The following BACE1 variants were observed in gnomAD, a reference collection of about 807,000 sequenced individuals.
BACE1 encodes beta-secretase 1.
A neutral mutation model predicts 54.0 loss-of-function variants in BACE1; 21 were observed. The ratio of observed to expected loss-of-function variants is 0.39; its 90% CI spans 0.28 to 0.56. The LOEUF (loss-of-function observed/expected upper bound fraction) is 0.56. Among genes scored for constraint, BACE1 ranks in the 20% least tolerant of loss-of-function variants. BACE1 has a pLI of 0.63. For missense variants in BACE1, 511 were observed against 661.2 expected (o/e 0.77, Z 2.49); for synonymous variants, 232 against 260.9 (o/e 0.89, Z 1.07).
Position 117,287,452 on chromosome 11 carries a change from A to T in BACE1, c.*2114T>A, listed in dbSNP as rs45497100. The T allele has an allele frequency of 0.013, 2,014 of 152,636 alleles. 22 individuals are homozygous for T. The highest frequency in any genetic ancestry group is 0.022 in the Non-Finnish European group (1,473 of 67,990). 9.5% of individuals were successfully genotyped at this position (152,636 alleles called of 1,614,324 possible). Reference sequence around the variant, plus strand: ...GAAGCTGTTGTTAAGACTTTTTTTTACACTTAGAGTTTATAATTTTGGGGC... The same window carrying T: ...GAAGCTGTTGTTAAGACTTTTTTTTTCACTTAGAGTTTATAATTTTGGGGC... On this transcript the variant is annotated 3_prime_UTR_variant, in exon 9 of 9. Coordinates refer to ENST00000313005, the MANE Select transcript of BACE1 (RefSeq NM_012104.6).
chr11:117,309,499 T>C (rs1006578215), intron 1 of BACE1, among the ~76,000 whole-genome samples: 4 of 152,162 alleles, frequency 2.6e-5, no homozygotes, highest in Non-Finnish European at 5.9e-5. Flanking sequence ...ACGCCTATAA[T>C]CCCAGCACTT....
chr11:117,302,793 G>A (rs2034753515), intron 1 of BACE1, among the ~76,000 whole-genome samples: 2 of 152,206 alleles, frequency 1.3e-5, no homozygotes, highest in African/African-American at 4.8e-5. Context: ...GCTGAAGCAC[G>A]AGAATCACTT....
At chr11:117,301,446 C>T (rs2034723037) in intron 1 of BACE1, among the ~76,000 whole-genome samples, 1 of 152,000 alleles carries the variant, frequency 6.6e-6, no homozygotes, top group African/African-American at 2.4e-5. Flanking sequence ...TGTCTACAAA[C>T]AAAATTTTTA....
chr11:117,289,543 C>T lies in BACE1; in HGVS notation c.*23G>A. On this transcript the variant is annotated 3_prime_UTR_variant, in exon 9 of 9. Transcript: ENST00000313005. ...ACGGAGGTGTGGTCCAGGGGAATCT[C>T]TATCTTCTGCCCATGGGCCTCCTCA... 1 of 1,612,498 alleles carries T rather than the reference C, an allele frequency of 6.2e-7. No individual in the cohort carries two copies. Among genetic ancestry groups the T allele is most frequent in the Non-Finnish European group, 8.5e-7 (1 of 1,179,160 alleles).
intron 7 of BACE1, 108 bp downstream of exon 7, chr11:117,290,792 G>T: frequency 6.5e-7 from 1 of 1,549,080 alleles, no homozygotes; most frequent in Non-Finnish European, 8.8e-7. Context: ...TTTACTGCTG[G>T]ACACTACTCA....
chr11:117,292,006 T>C (rs2034453730), intron 5 of BACE1, 193 bp from the exon 6 acceptor site: 2 of 441,294 alleles, frequency 4.5e-6, no homozygotes, highest in Non-Finnish European at 4.2e-6. Flanking sequence ...AAATAGCACC[T>C]ACCTCAAAGG....
chr11:117,311,470 C>T (rs2134495655), intron 1 of BACE1, among the ~76,000 whole-genome samples: 1 of 152,152 alleles, frequency 6.6e-6, no homozygotes, highest in East Asian at 1.9e-4. Flanking sequence ...CCTTTCCCTT[C>T]ACACCAATGT....
intron 1 of BACE1, among the ~76,000 whole-genome samples, chr11:117,303,547 C>A (rs979793567): frequency 6.6e-6 from 1 of 152,226 alleles, no homozygotes; most frequent in Non-Finnish European, 1.5e-5. Context: ...TCAGCTCTCA[C>A]CAGCAGACAG....
chr11:117,300,007 G>A (rs1425478785), intron 1 of BACE1, among the ~76,000 whole-genome samples: 2 of 151,502 alleles, frequency 1.3e-5, no homozygotes, highest in Non-Finnish European at 2.9e-5. Context: ...TTGACCTGGG[G>A]GCTCCTGCTG....
At chr11:117,304,064 C>A (rs2134479038) in intron 1 of BACE1, among the ~76,000 whole-genome samples, 1 of 152,326 alleles carries the variant, frequency 6.6e-6, no homozygotes, top group South Asian at 2.1e-4. Flanking sequence ...CACCCTGCCC[C>A]CCATACATGC....
At chr11:117,294,083 A>AC in intron 3 of BACE1, 75 bp from the exon 4 acceptor site, 5 of 1,526,846 alleles carry the variant, frequency 3.3e-6, no homozygotes, top group Non-Finnish European at 4.4e-6. Context: ...TCTAAACTGG[A>AC]AGGCAAATTT....
chr11:117,305,677 T>A (rs148083479), intron 1 of BACE1, among the ~76,000 whole-genome samples: 1 of 152,010 alleles, frequency 6.6e-6, no homozygotes, highest in South Asian at 2.1e-4. Flanking sequence ...CCTACTCCAA[T>A]AGAATGATGG....
At position 117,315,520 on chromosome 11, in the gene BACE1, G is replaced by A; in HGVS notation, c.261+15C>T. On this transcript the variant is annotated intron_variant, in intron 1 of 8. Coordinates refer to ENST00000313005, the MANE Select transcript of BACE1 (RefSeq NM_012104.6). This position sits in a 1 kb window ranked among gnomAD's most constrained non-coding sequence, Gnocchi z 5.5. ...CATGCAGGCGGAGGGCTAAGGGCTGGCCTGACCACCTTACCGTCTGCGGGG... is the reference window on the plus strand; with the variant it reads ...CATGCAGGCGGAGGGCTAAGGGCTGACCTGACCACCTTACCGTCTGCGGGG... 2 of 1,577,134 alleles carry A rather than the reference G, an allele frequency of 1.3e-6. No homozygotes were observed. Among genetic ancestry groups the A allele is most frequent in the South Asian group, 1.2e-5 (1 of 86,926 alleles).
chr11:117,291,119 T>C (rs1269484872), intron 6 of BACE1, 70 bp from the exon 7 acceptor site: 3 of 1,549,756 alleles, frequency 1.9e-6, no homozygotes, highest in Non-Finnish European at 2.6e-6. Context: ...CATGTTCAGA[T>C]ACATTAACTG....
Position 117,289,360 on chromosome 11 carries a change from C to T in BACE1, c.*206G>A, listed in dbSNP as rs1191211435. ...ATTCCCGCCAGCAGAGTGCTTCTTTCTTCTCTTTTCTGTTTCCTACAGGTA... is the reference window on the plus strand; with the variant it reads ...ATTCCCGCCAGCAGAGTGCTTCTTTTTTCTCTTTTCTGTTTCCTACAGGTA... On this transcript the variant is annotated 3_prime_UTR_variant, in exon 9 of 9. Transcript: ENST00000313005. 28 of 763,152 alleles carry T rather than the reference C, an allele frequency of 3.7e-5. No individual in the cohort carries two copies. The highest frequency in any genetic ancestry group is 5.4e-5 in the Non-Finnish European group (27 of 502,134). 47.3% of individuals were successfully genotyped at this position (763,152 alleles called of 1,614,324 possible).
At chr11:117,294,219 C>T (rs1489896490) in intron 3 of BACE1, 6 of 278,226 alleles carry the variant, frequency 2.2e-5, no homozygotes, top group Admixed American at 5.5e-5. Flanking sequence ...ATTCATAGAT[C>T]TTTTTTTTTT....
At chr11:117,313,863 A>G (rs926323090) in intron 1 of BACE1, among the ~76,000 whole-genome samples, 1 of 152,210 alleles carries the variant, frequency 6.6e-6, no homozygotes. Flanking sequence ...ATGCTGGTGT[A>G]TTGTTCTGGG....
intron 1 of BACE1, among the ~76,000 whole-genome samples, chr11:117,304,543 TC>T (rs2034789590): frequency 6.6e-6 from 1 of 152,234 alleles, no homozygotes; most frequent in Non-Finnish European, 1.5e-5. Context: ...TCTTGCCAGT[TC>T]CCTTTCCTCA....
chr11:117,290,955 A>G lies in BACE1; in HGVS notation c.1037T>C (p.Leu346Pro). The change falls in exon 7 of 9, where the codon CTC (leucine) becomes CCC (proline). Residue 346 changes from leucine (L) to proline (P), a missense_variant. Around this residue, in one of 2 missense-constraint regions of BACE1, gnomAD observed 407 missense variants for 565.7 expected, o/e 0.72. Coordinates refer to ENST00000313005, the MANE Select transcript of BACE1 (RefSeq NM_012104.6). ...GTTGGTAACCTCACCCATTAGGTAG[A>G]GTGAGATGACTGGGAAAATGTTCCA... ...TPWNIFPVIS[L>P]YLMGEVTNQS... 1 of 1,614,188 alleles carries G rather than the reference A, an allele frequency of 6.2e-7. No homozygotes were observed.
Sources: allele counts gnomAD v4.1 joint callset (sites outside exome capture counted in the v4.1 genomes callset), GRCh38; gene constraint gnomAD v4.1.1; regional missense constraint gnomAD v4.1.1; non-coding constraint Gnocchi (gnomAD v3.1); transcripts MANE v1.5; gene names NCBI Gene and HGNC (gene_info 2026-07-23, HGNC 2026-07-21).